CLIP1: variants seen among roughly 807,000 people sequenced by gnomAD.
CLIP1 encodes the protein CAP-Gly domain containing linker protein 1, also known as CAP-Gly domain-containing linker protein 1.
A neutral mutation model predicts 161.6 loss-of-function variants in CLIP1; 66 were observed. The observed-to-expected ratio is 0.41, with a 90% CI of 0.33 to 0.50. The LOEUF (loss-of-function observed/expected upper bound fraction) is 0.50, where lower values mean the gene tolerates loss of function less well. Among genes scored for constraint, CLIP1 ranks in the 20% least tolerant of loss-of-function variants. The probability of loss-of-function intolerance (pLI) is 0.27; values close to 1 mark genes in which losing one functional copy is unlikely to be tolerated. For synonymous variants in CLIP1, 598 were observed against 626.2 expected (o/e 0.96, Z 0.67); for missense variants, 1,376 against 1,702.0 (o/e 0.81, Z 3.37).
chr12:122,274,409 C>T (rs979434212), intron 24 of CLIP1: 3 of 348,070 alleles, frequency 8.6e-6, no homozygotes, highest in African/African-American at 6.1e-5. Flanking sequence ...CTTTTACCCC[C>T]TCACACCTTT....
chr12:122,362,265 CT>C (rs1448281460), intron 4 of CLIP1, among the ~76,000 whole-genome samples: 1 of 150,590 alleles, frequency 6.6e-6, no homozygotes, highest in South Asian at 2.1e-4. Flanking sequence ...AAAATATATA[CT>C]TTTTTTAATT....
In CLIP1 at chr12:122,344,441, G is replaced by GAA. The variant is rs11385320; in HGVS notation, c.1507-2746_1507-2745dup. Among the ~76,000 whole-genome samples, 294 of 150,218 alleles carry GAA rather than the reference G, an allele frequency of 2.0e-3. 1 individual carries two copies. The highest frequency in any genetic ancestry group is 4.3e-3 in the East Asian group (22 of 5,130). On this transcript the variant is annotated intron_variant, in intron 10 of 25. Transcript: ENST00000620786. ...ATCTGGCAGAATTTGCTAAATAAAA[G>GAA]AAAAAAAAACACAAAACACTAATAA...
chr12:122,284,599 G>A (rs1955777146), intron 21 of CLIP1, among the ~76,000 whole-genome samples: 1 of 152,042 alleles, frequency 6.6e-6, no homozygotes, highest in South Asian at 2.1e-4. Flanking sequence ...TGATCCACCT[G>A]CCTCGGCCTC....
intron 18 of CLIP1, 34 bp from the exon 19 acceptor site, chr12:122,316,889 T>A: frequency 8.0e-7 from 1 of 1,251,380 alleles, no homozygotes; most frequent in Non-Finnish European, 1.1e-6. Flanking sequence ...TTGATGAAAT[T>A]ATTTCATTTT....
intron 7 of CLIP1, among the ~76,000 whole-genome samples, chr12:122,353,692 G>A (rs1019037829): frequency 4.0e-5 from 6 of 151,834 alleles, no homozygotes; most frequent in South Asian, 4.2e-4. Context: ...GTGCAGTGGC[G>A]CGATCTCGGC....
chr12:122,376,231 C>T (rs1274155594), intron 3 of CLIP1, among the ~76,000 whole-genome samples: 1 of 152,052 alleles, frequency 6.6e-6, no homozygotes, highest in East Asian at 1.9e-4. Context: ...GCCACCCCGC[C>T]CGGCCAATTA....
intron 3 of CLIP1, among the ~76,000 whole-genome samples, chr12:122,372,135 TAC>T (rs1475860725): frequency 6.7e-6 from 1 of 148,772 alleles, no homozygotes; most frequent in African/African-American, 2.5e-5. Flanking sequence ...AAAAAAAAAA[TAC>T]AGTCTGGGTG....
chr12:122,360,717 T>C (rs1361973281), intron 5 of CLIP1: 2 of 456,662 alleles, frequency 4.4e-6, no homozygotes, highest in Admixed American at 3.8e-5. Flanking sequence ...CAAGAACACA[T>C]GCATTTTTAA....
chr12:122,329,909 G>C (rs1390797728), intron 15 of CLIP1, among the ~76,000 whole-genome samples: 1 of 152,136 alleles, frequency 6.6e-6, no homozygotes, highest in African/African-American at 2.4e-5. Flanking sequence ...CCTGAGGTCA[G>C]GAGTTCGAGA....
intron 3 of CLIP1, 93 bp from the exon 4 acceptor site, chr12:122,364,200 T>C (rs1226104458): frequency 2.2e-5 from 32 of 1,442,514 alleles, no homozygotes; most frequent in Non-Finnish European, 3.1e-5. Flanking sequence ...CTACATTCCA[T>C]CATTTCCACC....
chr12:122,388,086 T>TTCTATAAAGCAGTCA (rs1426975345), intron 1 of CLIP1, among the ~76,000 whole-genome samples: 4 of 152,134 alleles, frequency 2.6e-5, no homozygotes, highest in African/African-American at 9.7e-5. Flanking sequence ...AAACATGCAT[T>TTCTATAAAGCAGTCA]TCTATAAAGC....
intron 3 of CLIP1, among the ~76,000 whole-genome samples, chr12:122,374,605 T>A (rs1421039625): frequency 6.6e-6 from 1 of 151,880 alleles, no homozygotes; most frequent in African/African-American, 2.4e-5. Flanking sequence ...CTACTAAAAA[T>A]ACAAAAAGTA....
At chr12:122,334,163 C>T in intron 13 of CLIP1, 53 bp from the exon 14 acceptor site, 2 of 1,143,744 alleles carry the variant, frequency 1.7e-6, no homozygotes, top group Non-Finnish European at 2.6e-6. Context: ...AATAAGCTAT[C>T]TGGAGCTTGG....
At chr12:122,293,832 T>C (rs1950359407) in intron 20 of CLIP1, among the ~76,000 whole-genome samples, 3 of 141,868 alleles carry the variant, frequency 2.1e-5, no homozygotes, top group Admixed American at 1.4e-4. Context: ...TGAGACAGAG[T>C]CTTGCTCTGT....
chr12:122,353,657 G>A (rs1028861471), intron 7 of CLIP1, among the ~76,000 whole-genome samples: 2 of 151,556 alleles, frequency 1.3e-5, no homozygotes, highest in African/African-American at 2.4e-5. Context: ...TTGAGACGGA[G>A]TCTTGCTCTG....
At chr12:122,364,741 G>A (rs2136629060) in intron 3 of CLIP1, 1 of 627,460 alleles carries the variant, frequency 1.6e-6, no homozygotes, top group South Asian at 1.4e-5. Flanking sequence ...TTCCTGCTTC[G>A]CCTTTCGGCC....
chr12:122,309,652 G>T, intron 20 of CLIP1, 110 bp downstream of exon 20: 2 of 1,299,440 alleles, frequency 1.5e-6, no homozygotes, highest in Non-Finnish European at 2.1e-6. Flanking sequence ...AATTCCATTT[G>T]GAATGACCCC....
chr12:122,419,599 T>C (rs182358956), intron 1 of CLIP1, among the ~76,000 whole-genome samples: 229 of 152,084 alleles, frequency 1.5e-3, no homozygotes, highest in Non-Finnish European at 2.8e-3. Flanking sequence ...TCATCTCTTA[T>C]ACACCATCCA....
chr12:122,316,316 T>A (rs1010345030), intron 19 of CLIP1, among the ~76,000 whole-genome samples: 1 of 151,912 alleles, frequency 6.6e-6, no homozygotes, highest in Non-Finnish European at 1.5e-5. Context: ...GCTCAAGCGA[T>A]CCTCCCACCT....
Sources: gnomAD v4.1 joint callset for allele counts (sites outside exome capture counted in the v4.1 genomes callset) on GRCh38, gnomAD v4.1.1 for gene constraint, MANE v1.5 for transcripts, NCBI Gene and HGNC (gene_info 2026-07-23, HGNC 2026-07-21) for gene names.